Variants in SDAD1 observed in about 807,000 individuals in gnomAD.
The protein encoded by SDAD1 is protein SDA1 homolog.
In SDAD1, 79 loss-of-function variants were observed where a neutral mutation model predicts 100.3. The ratio of observed to expected loss-of-function variants is 0.79; its 90% CI spans 0.66 to 0.95. SDAD1 has a LOEUF of 0.95. SDAD1 is among the 40% of genes least tolerant of loss of function. The probability of loss-of-function intolerance (pLI) is 0.00; values close to 1 mark genes in which losing one functional copy is unlikely to be tolerated. For missense variants in SDAD1, 790 were observed against 810.9 expected (o/e 0.97, Z 0.31); for synonymous variants, 267 against 271.4 (o/e 0.98, Z 0.16).
In SDAD1 at chr4:75,975,798, G is replaced by A; in HGVS notation, c.524C>T (p.Thr175Ile). The change falls in exon 6 of 22, where the codon ACC becomes ATC. Residue 175 changes from threonine (T) to isoleucine (I), a missense_variant. Coordinates refer to ENST00000356260, the MANE Select transcript of SDAD1 (RefSeq NM_018115.4). The stretch of plus-strand genomic sequence containing the variant: ...TACATCTAAAGACATCTTGGCTGCG[G>A]TTGCATTGCTATCTCTTAACATGGT... The part of the protein sequence containing the change: ...MYTMLRDSNA[T>I]AAKMSLDVMI... 1 of 1,613,948 alleles carries A rather than the reference G, an allele frequency of 6.2e-7. No homozygotes were observed.
chr4:75,953,072 AG>A (rs938342015), intron 21 of SDAD1, among the ~76,000 whole-genome samples: 2 of 152,216 alleles, frequency 1.3e-5, no homozygotes, highest in Non-Finnish European at 2.9e-5. Context: ...AAGAAAATAC[AG>A]GGCAAAGGGA....
intron 18 of SDAD1, 47 bp downstream of exon 18, chr4:75,957,800 T>C: frequency 1.2e-6 from 2 of 1,612,214 alleles, no homozygotes; most frequent in Non-Finnish European, 8.5e-7. Context: ...CAGAATAAAT[T>C]ACGTCTTAAT....
At chr4:75,990,559 G>A (rs978264060) in intron 1 of SDAD1, 193 bp downstream of exon 1, 2 of 1,180,420 alleles carry the variant, frequency 1.7e-6, no homozygotes, top group South Asian at 1.3e-5. Flanking sequence ...AGGGGCAACA[G>A]ATTTTCAAGA....
chr4:75,971,513 A>G, intron 8 of SDAD1, 55 bp from the exon 9 acceptor site: 1 of 1,296,390 alleles, frequency 7.7e-7, no homozygotes, highest in Non-Finnish European at 1.1e-6. Context: ...GCATAGAATG[A>G]AAGAGTAAAC....
Position 75,957,892 on chromosome 4 carries a change from T to C in SDAD1, c.1533A>G (p.Glu511=), listed in dbSNP as rs1728996318. 2 of 1,613,482 alleles carry C rather than the reference T, an allele frequency of 1.2e-6. No individual in the cohort carries two copies. The highest frequency in any genetic ancestry group is 1.8e-4 in the Middle Eastern group (1 of 5,530). Residue 511 remains glutamate (E), a synonymous_variant, in exon 18 of 22, where the codon GAA becomes GAG. Coordinates refer to ENST00000356260, the MANE Select transcript of SDAD1 (RefSeq NM_018115.4). ...CGGAAGAGTGTTGCACATCAATCCA[T>C]TCACCATCAGCATCCTCCTCCTCAC... is the stretch of plus-strand genomic sequence containing the variant. ...SLSEEEDADG[E]WIDVQHSSDE...
At chr4:75,974,412 A>G (rs1287714543) in intron 6 of SDAD1, among the ~76,000 whole-genome samples, 1 of 151,910 alleles carries the variant, frequency 6.6e-6, no homozygotes, top group Non-Finnish European at 1.5e-5. Context: ...CAAAAAAAAA[A>G]AAAAAAAACA....
At chr4:75,973,237 TCAG>T (rs1729965229) in intron 8 of SDAD1, 77 bp downstream of exon 8, 1 of 1,127,990 alleles carries the variant, frequency 8.9e-7, no homozygotes. Context: ...CTTTCTAACT[TCAG>T]CAGTCATAGA....
Position 75,981,447 on chromosome 4 carries a change from G to C in SDAD1, c.219C>G (p.Tyr73Ter), listed in dbSNP as rs1411089922. The C allele has an allele frequency of 6.2e-7, 1 of 1,613,796 alleles. No homozygotes were observed. Among genetic ancestry groups the C allele is most frequent in the South Asian group, 1.1e-5 (1 of 91,072 alleles). Residue 73 changes from tyrosine to a stop codon, truncating the protein, a stop_gained, in exon 3 of 22, where the codon TAC becomes TAG. Coordinates refer to ENST00000356260, the MANE Select transcript of SDAD1 (RefSeq NM_018115.4). LOFTEE classifies it high-confidence loss of function. ...TCACCTCTTGAGGAAAATTACTTAG[G>C]TACTCTGGGTAGCAGTGACTAATCT... is the stretch of plus-strand genomic sequence containing the variant. ...MAQISHCYPE[Y>*]LSNFPQEVKD... is the part of the protein sequence containing the mutation.
intron 12 of SDAD1, among the ~76,000 whole-genome samples, chr4:75,966,267 T>TACACACACACACACAC (rs375225256): frequency 1.7e-4 from 23 of 139,286 alleles, no homozygotes; most frequent in South Asian, 5.0e-4. Flanking sequence ...AATGAATGCA[T>TACACACACACACACAC]ACACACACAC....
chr4:75,960,996 C>T (rs775978530), intron 16 of SDAD1, 32 bp downstream of exon 16: 2 of 1,584,468 alleles, frequency 1.3e-6, no homozygotes, highest in South Asian at 1.1e-5. Flanking sequence ...GAGACCATAA[C>T]CTTTAGACCA....
intron 21 of SDAD1, among the ~76,000 whole-genome samples, chr4:75,952,185 G>T (rs1728659334): frequency 6.6e-6 from 1 of 152,174 alleles, no homozygotes; most frequent in Non-Finnish European, 1.5e-5. Context: ...TTCCTCATCT[G>T]CAAAATTGGT....
chr4:75,973,980 G>C (rs1024447323), intron 7 of SDAD1, 96 bp downstream of exon 7: 42 of 991,562 alleles, frequency 4.2e-5, no homozygotes, highest in African/African-American at 6.5e-5. Flanking sequence ...CTGGTGTGCA[G>C]GCATGCAGTT....
intron 1 of SDAD1, among the ~76,000 whole-genome samples, chr4:75,988,034 AC>A (rs931222729): frequency 1.3e-5 from 2 of 152,192 alleles, no homozygotes; most frequent in African/African-American, 4.8e-5. Flanking sequence ...TTCTCTACCT[AC>A]CCAATCCAGG....
At chr4:75,959,115 A>AAC (rs1560537772) in intron 17 of SDAD1, among the ~76,000 whole-genome samples, 1 of 137,866 alleles carries the variant, frequency 7.3e-6, no homozygotes, top group African/African-American at 2.6e-5. Flanking sequence ...AAAAAAAAAA[A>AAC]AAAAAAAAAA....
chr4:75,983,122 T>G (rs1730645115), intron 1 of SDAD1, among the ~76,000 whole-genome samples: 1 of 152,166 alleles, frequency 6.6e-6, no homozygotes, highest in African/African-American at 2.4e-5. Flanking sequence ...GGACATGAAC[T>G]CATCCTTTTT....
chr4:75,984,148 T>A (rs1255647941), intron 1 of SDAD1, among the ~76,000 whole-genome samples: 1 of 149,332 alleles, frequency 6.7e-6, no homozygotes, highest in Non-Finnish European at 1.5e-5. Context: ...TTGGTCTATG[T>A]ATCTGTTTTG....
intron 17 of SDAD1, among the ~76,000 whole-genome samples, chr4:75,958,429 G>C (rs1161159343): frequency 6.6e-6 from 1 of 152,156 alleles, no homozygotes; most frequent in Non-Finnish European, 1.5e-5. Context: ...AGACAACTGA[G>C]GTAGAATATT....
chr4:75,975,149 C>T (rs1303286522), intron 6 of SDAD1, among the ~76,000 whole-genome samples: 1 of 151,842 alleles, frequency 6.6e-6, no homozygotes, highest in African/African-American at 2.4e-5. Context: ...GGTGGAAATA[C>T]CATAAATACT....
chr4:75,982,479 C>G (rs963019928), intron 1 of SDAD1, among the ~76,000 whole-genome samples: 1 of 151,976 alleles, frequency 6.6e-6, no homozygotes, highest in Non-Finnish European at 1.5e-5. Context: ...GAGACCTTGT[C>G]TCTACAAAAA....
Sources: allele counts gnomAD v4.1 joint callset (sites outside exome capture counted in the v4.1 genomes callset), GRCh38; gene constraint gnomAD v4.1.1; transcripts MANE v1.5; gene names NCBI Gene and HGNC (gene_info 2026-07-23, HGNC 2026-07-21).